The following GALNTL6 variants were observed in gnomAD, a reference collection of about 807,000 sequenced individuals.
GALNTL6 encodes polypeptide N-acetylgalactosaminyltransferase like 6.
In GALNTL6, 46 loss-of-function variants were observed where a neutral mutation model predicts 73.7. The observed-to-expected ratio is 0.62, with a 90% confidence interval of 0.49 to 0.80. The LOEUF (loss-of-function observed/expected upper bound fraction) is 0.80. GALNTL6 is among the 30% of genes least tolerant of loss of function. The pLI is 0.00. For missense variants in GALNTL6, 604 were observed against 755.0 expected (o/e 0.80, Z 2.34); for synonymous variants, 259 against 263.7 (o/e 0.98, Z 0.17).
intron 2 of GALNTL6, among the ~76,000 whole-genome samples, chr4:172,013,824 A>G (rs72982587): frequency 0.03 from 4,588 of 151,694 alleles, 194 homozygotes; most frequent in African/African-American, 0.093. Flanking sequence ...TATTTTTTGG[A>G]TCTATCAACC....
intron 3 of GALNTL6, among the ~76,000 whole-genome samples, chr4:172,304,178 A>G (rs990799755): frequency 5.3e-5 from 8 of 152,146 alleles, no homozygotes; most frequent in Admixed American, 1.3e-4. Context: ...TGTGCTTTTG[A>G]ATAAGTACAT....
At chr4:172,411,852 T>C (rs1183279023) in intron 5 of GALNTL6, among the ~76,000 whole-genome samples, 1 of 152,006 alleles carries the variant, frequency 6.6e-6, no homozygotes, top group African/African-American at 2.4e-5. Flanking sequence ...GGGGATAAAA[T>C]AGCGAGAAAA....
intron 3 of GALNTL6, among the ~76,000 whole-genome samples, chr4:172,231,675 T>G (rs866354329): frequency 1.3e-5 from 2 of 152,118 alleles, no homozygotes; most frequent in African/African-American, 4.8e-5. Context: ...TATTTAAGGA[T>G]TAAAGAAAAT....
At chr4:172,546,784 T>TTATATATATATACGTATATATACG (rs1554034186) in intron 5 of GALNTL6, among the ~76,000 whole-genome samples, 2 of 16,344 alleles carry the variant, frequency 1.2e-4, no homozygotes, top group Non-Finnish European at 2.1e-4. Context: ...CAACTCCGCT[T>TTATATATATATACGTATATATACG]TATATATATA....
chr4:173,040,320 A>G lies in GALNTL6; in HGVS notation c.*220A>G. ...CTGCTTCTGAGAACTCGAGACTAGCAGTTCCCTTGCTGGCCAAGGGCAAAG... is the reference window on the plus strand; with the variant it reads ...CTGCTTCTGAGAACTCGAGACTAGCGGTTCCCTTGCTGGCCAAGGGCAAAG... On this transcript the variant is annotated 3_prime_UTR_variant, in exon 13 of 13. Coordinates refer to ENST00000506823, the MANE Select transcript of GALNTL6 (RefSeq NM_001034845.3). 3.9e-6 allele frequency: 2 copies of G among 514,708 alleles called. No individual in the cohort carries two copies. The highest frequency in any genetic ancestry group is 3.7e-5 in the Admixed American group (1 of 27,182). 31.9% of individuals were successfully genotyped at this position (514,708 alleles called of 1,614,324 possible).
intron 5 of GALNTL6, among the ~76,000 whole-genome samples, chr4:172,427,746 C>A (rs1039550392): frequency 1.3e-5 from 2 of 152,084 alleles, no homozygotes. Flanking sequence ...TGAACCATGT[C>A]TGAACTTTTT....
chr4:172,127,116 A>T (rs1469228074), intron 2 of GALNTL6, among the ~76,000 whole-genome samples: 1 of 152,192 alleles, frequency 6.6e-6, no homozygotes, highest in Non-Finnish European at 1.5e-5. Context: ...CCCCAATAGC[A>T]GGGCCGCAGT....
chr4:172,417,235 T>C (rs1254023551), intron 5 of GALNTL6, among the ~76,000 whole-genome samples: 1 of 152,092 alleles, frequency 6.6e-6, no homozygotes, highest in Admixed American at 6.6e-5. Context: ...TTTTTTTTAA[T>C]GTAGCTGTTC....
chr4:172,109,191 T>TTTAG (rs1732779315), intron 2 of GALNTL6, among the ~76,000 whole-genome samples: 1 of 152,196 alleles, frequency 6.6e-6, no homozygotes, highest in South Asian at 2.1e-4. Flanking sequence ...TTTTGTCTCT[T>TTTAG]TTAGTTCTAA....
intron 5 of GALNTL6, among the ~76,000 whole-genome samples, chr4:172,382,160 G>A (rs1468362669): frequency 1.3e-5 from 2 of 152,054 alleles, no homozygotes; most frequent in East Asian, 1.9e-4. Context: ...TAGAGACAGG[G>A]GTTTCACCAT....
chr4:172,489,199 A>G (rs1016875736), intron 5 of GALNTL6, among the ~76,000 whole-genome samples: 9 of 152,146 alleles, frequency 5.9e-5, no homozygotes, highest in Admixed American at 2.0e-4. Flanking sequence ...TTATCATTCA[A>G]TTGTCCCACT....
intron 5 of GALNTL6, among the ~76,000 whole-genome samples, chr4:172,723,659 A>C (rs1429555077): frequency 6.6e-6 from 1 of 152,128 alleles, no homozygotes; most frequent in Non-Finnish European, 1.5e-5. Flanking sequence ...TCTTTCTCTT[A>C]AATCCCCATT....
rs72698915 is a variant in GALNTL6, at chr4:172,006,963, G to C, written c.138+192245G>C. Among the ~76,000 whole-genome samples, 1,203 of 152,208 alleles carry C rather than the reference G, an allele frequency of 7.9e-3. 8 individuals carry two copies. The highest frequency in any genetic ancestry group is 0.024 in the Middle Eastern group (7 of 294). On this transcript the variant is annotated intron_variant, in intron 2 of 12. Coordinates refer to ENST00000506823, the MANE Select transcript of GALNTL6 (RefSeq NM_001034845.3). ...TGTTAATTTAAATATCTATAAAATA[G>C]TCAAAAACTTTAAAGTTAATATGTA... is the stretch of plus-strand genomic sequence containing the variant.
At chr4:172,094,835 C>A (rs1275448304) in intron 2 of GALNTL6, among the ~76,000 whole-genome samples, 1 of 152,076 alleles carries the variant, frequency 6.6e-6, no homozygotes, top group Non-Finnish European at 1.5e-5. Context: ...AATCTTCCAA[C>A]TTCCTGCTTA....
At chr4:172,414,140 A>T (rs918379576) in intron 5 of GALNTL6, among the ~76,000 whole-genome samples, 2 of 152,164 alleles carry the variant, frequency 1.3e-5, no homozygotes, top group African/African-American at 4.8e-5. Flanking sequence ...AGATGTATTG[A>T]TATACTAGAA....
At chr4:172,710,464 T>A (rs1349838367) in intron 5 of GALNTL6, among the ~76,000 whole-genome samples, 3 of 152,264 alleles carry the variant, frequency 2.0e-5, no homozygotes, top group Admixed American at 6.5e-5. Flanking sequence ...AAATCAAGTT[T>A]TCCCACCCAG....
At chr4:172,959,299 G>T (rs1270124334) in intron 10 of GALNTL6, among the ~76,000 whole-genome samples, 2 of 152,060 alleles carry the variant, frequency 1.3e-5, no homozygotes, top group African/African-American at 4.8e-5. Context: ...TATAGCCCAG[G>T]AATAGTCAGG....
intron 2 of GALNTL6, among the ~76,000 whole-genome samples, chr4:172,208,087 T>A (rs757419901): frequency 7.9e-5 from 12 of 152,264 alleles, no homozygotes; most frequent in Non-Finnish European, 1.5e-4. Context: ...CTTTGTGGAA[T>A]CCTTATTGAT....
chr4:172,833,976 G>A (rs1159416704), intron 7 of GALNTL6, among the ~76,000 whole-genome samples: 3 of 152,188 alleles, frequency 2.0e-5, no homozygotes, highest in African/African-American at 7.2e-5. Context: ...AAATAGCTGA[G>A]CGTGGTGGCG....
Sources: gnomAD v4.1 joint callset for allele counts (sites outside exome capture counted in the v4.1 genomes callset) on GRCh38, gnomAD v4.1.1 for gene constraint, MANE v1.5 for transcripts, NCBI Gene and HGNC (gene_info 2026-07-23, HGNC 2026-07-21) for gene names.